PTPRK: variants seen among roughly 807,000 people sequenced by gnomAD.
PTPRK encodes receptor-type tyrosine-protein phosphatase kappa.
A neutral mutation model predicts 178.0 loss-of-function variants in PTPRK; 75 were observed. The observed-to-expected ratio is 0.42, with a 90% CI of 0.35 to 0.51. The LOEUF (loss-of-function observed/expected upper bound fraction) is 0.51. Ranked by LOEUF, PTPRK falls within the 20% of genes least tolerant of loss-of-function variation. PTPRK has a pLI of 0.02. For missense variants in PTPRK, 1,441 were observed against 1,797.8 expected (o/e 0.80, Z 3.59); for synonymous variants, 637 against 620.6 (o/e 1.03, Z -0.39).
chr6:128,041,559 A>G (rs909284212), intron 13 of PTPRK, among the ~76,000 whole-genome samples: 2 of 152,058 alleles, frequency 1.3e-5, no homozygotes, highest in African/African-American at 2.4e-5. Flanking sequence ...TCATATTACC[A>G]TAATACTGCA....
chr6:128,116,966 G>A (rs1288829842), intron 7 of PTPRK, among the ~76,000 whole-genome samples: 1 of 152,018 alleles, frequency 6.6e-6, no homozygotes, highest in African/African-American at 2.4e-5. Flanking sequence ...CTAATATGGT[G>A]AAACCCTGTC....
At chr6:128,289,195 G>A (rs1022783305) in intron 3 of PTPRK, among the ~76,000 whole-genome samples, 5 of 152,118 alleles carry the variant, frequency 3.3e-5, no homozygotes, top group East Asian at 1.9e-4. Flanking sequence ...AGCATACCAG[G>A]TGATTCTTAA....
intron 1 of PTPRK, among the ~76,000 whole-genome samples, chr6:128,467,499 T>C (rs1183310153): frequency 1.3e-5 from 2 of 152,250 alleles, no homozygotes; most frequent in Admixed American, 6.5e-5. Flanking sequence ...ATCTGTGTCA[T>C]TGAAACCACT....
At chr6:128,066,807 C>T (rs928858175) in intron 12 of PTPRK, among the ~76,000 whole-genome samples, 27 of 152,144 alleles carry the variant, frequency 1.8e-4, no homozygotes, top group Non-Finnish European at 3.5e-4. Flanking sequence ...GTTGTTTTCC[C>T]ACATACGGAA....
At chr6:128,126,569 C>T (rs947537944) in intron 7 of PTPRK, among the ~76,000 whole-genome samples, 2 of 152,128 alleles carry the variant, frequency 1.3e-5, no homozygotes, top group Non-Finnish European at 2.9e-5. Context: ...TCACTGCAGC[C>T]TCAACTGCCC....
At chr6:128,373,979 C>A (rs1489250431) in intron 2 of PTPRK, among the ~76,000 whole-genome samples, 1 of 152,048 alleles carries the variant, frequency 6.6e-6, no homozygotes, top group East Asian at 1.9e-4. Context: ...ACAGATGTAG[C>A]CCCCATCCTC....
At chr6:128,171,454 T>C (rs542139370) in intron 7 of PTPRK, among the ~76,000 whole-genome samples, 6 of 152,164 alleles carry the variant, frequency 3.9e-5, no homozygotes, top group African/African-American at 1.4e-4. Flanking sequence ...GCACTTGTAA[T>C]ATGCCTTGTT....
chr6:128,305,095 A>T (rs1455827927), intron 3 of PTPRK, among the ~76,000 whole-genome samples: 1 of 152,182 alleles, frequency 6.6e-6, no homozygotes, highest in Admixed American at 6.5e-5. Flanking sequence ...CTAAACAGTA[A>T]GTTTGAAAAA....
intron 6 of PTPRK, among the ~76,000 whole-genome samples, chr6:128,197,498 T>G (rs1805094650): frequency 1.3e-5 from 2 of 152,252 alleles, no homozygotes; most frequent in South Asian, 4.1e-4. Flanking sequence ...TACCTGGATA[T>G]TTTGAAATCT....
At chr6:128,004,729 G>T (rs1449728540) in intron 15 of PTPRK, among the ~76,000 whole-genome samples, 1 of 151,756 alleles carries the variant, frequency 6.6e-6, no homozygotes, top group Non-Finnish European at 1.5e-5. Context: ...TTACACAAAG[G>T]AAGATGCAAA....
At chr6:128,132,503 G>A (rs917636657) in intron 7 of PTPRK, among the ~76,000 whole-genome samples, 1 of 152,198 alleles carries the variant, frequency 6.6e-6, no homozygotes, top group Non-Finnish European at 1.5e-5. Context: ...GAAAACTAGT[G>A]CCATCAGTAA....
chr6:128,417,095 T>C (rs1842938421), intron 1 of PTPRK, among the ~76,000 whole-genome samples: 1 of 151,506 alleles, frequency 6.6e-6, no homozygotes, highest in Non-Finnish European at 1.5e-5. Context: ...ACATTTTATC[T>C]AAAGTCTGTA....
chr6:128,387,586 A>C (rs913910241), intron 2 of PTPRK, among the ~76,000 whole-genome samples: 1 of 152,152 alleles, frequency 6.6e-6, no homozygotes, highest in Non-Finnish European at 1.5e-5. Flanking sequence ...CTAATAATAA[A>C]TTAATCTATC....
chr6:128,131,449 T>G (rs1794228301), intron 7 of PTPRK, among the ~76,000 whole-genome samples: 1 of 152,088 alleles, frequency 6.6e-6, no homozygotes, highest in South Asian at 2.1e-4. Flanking sequence ...ATGGTAGTGG[T>G]GGGGGATGGC....
intron 7 of PTPRK, among the ~76,000 whole-genome samples, chr6:128,138,967 A>G (rs12110728): frequency 0.087 from 13,232 of 152,130 alleles, 941 homozygotes; most frequent in African/African-American, 0.19. Context: ...AATAAAATGA[A>G]GTATGGTGTA....
Position 128,224,377 on chromosome 6 carries a change from GCA to G in PTPRK, c.694-5283_694-5282del, listed in dbSNP as rs141489337. 2.1e-3 allele frequency among the ~76,000 whole-genome samples: 317 copies of G among 152,226 alleles called. 3 individuals carry two copies. Among genetic ancestry groups the G allele is most frequent in the African/African-American group, 7.1e-3 (294 of 41,534 alleles). On this transcript the variant is annotated intron_variant, in intron 5 of 29. Transcript: ENST00000368226. Reference sequence around the variant, plus strand: ...TACTATACTAAGTCAGCTTCATCATGCACAGTGCATGCAGTATTCATTTGACA... The same window carrying G: ...TACTATACTAAGTCAGCTTCATCATGCAGTGCATGCAGTATTCATTTGACA...
At chr6:128,161,895 C>T (rs1311534982) in intron 7 of PTPRK, among the ~76,000 whole-genome samples, 1 of 151,458 alleles carries the variant, frequency 6.6e-6, no homozygotes, top group Non-Finnish European at 1.5e-5. Flanking sequence ...AAAAAGCAAA[C>T]GTCCCTAATT....
At chr6:128,000,850 CT>C (rs572182217) in intron 15 of PTPRK, among the ~76,000 whole-genome samples, 1 of 151,990 alleles carries the variant, frequency 6.6e-6, no homozygotes, top group Non-Finnish European at 1.5e-5. Flanking sequence ...TCACTTTTAC[CT>C]GCTGGAGTAG....
At chr6:128,205,872 T>G (rs187703609) in intron 6 of PTPRK, among the ~76,000 whole-genome samples, 2 of 151,828 alleles carry the variant, frequency 1.3e-5, no homozygotes, top group East Asian at 1.9e-4. Context: ...ATTGACATAT[T>G]TCATTCAAAA....
Sources: allele counts gnomAD v4.1 joint callset (sites outside exome capture counted in the v4.1 genomes callset), GRCh38; gene constraint gnomAD v4.1.1; transcripts MANE v1.5; gene names NCBI Gene and HGNC (gene_info 2026-07-23, HGNC 2026-07-21).